The following CTPS2 variants were observed in gnomAD, a reference collection of about 807,000 sequenced individuals.
CTPS2 encodes CTP synthase II.
A neutral mutation model predicts 46.8 loss-of-function variants in CTPS2; 19 were observed. The ratio of observed to expected loss-of-function variants is 0.41; its 90% confidence interval spans 0.28 to 0.60. The LOEUF (loss-of-function observed/expected upper bound fraction) is 0.60. Among genes scored for constraint, CTPS2 ranks in the 20% least tolerant of loss-of-function variants. CTPS2 has a pLI of 0.35. For synonymous variants in CTPS2, 151 were observed against 165.2 expected, an observed-to-expected ratio of 0.91 and a Z score of 0.66; for missense variants, 286 against 447.6, an observed-to-expected ratio of 0.64 and a Z score of 3.26.
chrX:16,656,258 G>A (rs759782101), intron 13 of CTPS2, among the ~76,000 whole-genome samples: 49 of 111,513 alleles, frequency 4.4e-4, no homozygotes, highest in Middle Eastern at 4.6e-3. Context: ...CCCCACTGCT[G>A]CCCTCCCCAT....
intron 14 of CTPS2, among the ~76,000 whole-genome samples, chrX:16,626,225 T>C (rs1395855106): frequency 1.8e-5 from 2 of 110,579 alleles, no homozygotes; most frequent in East Asian, 2.9e-4. Flanking sequence ...CTACTAAATA[T>C]ACAAAAATTA....
intron 13 of CTPS2, 32 bp from the exon 14 acceptor site, chrX:16,639,275 T>C (rs1288402035): frequency 1.0e-5 from 11 of 1,075,855 alleles, no homozygotes; most frequent in African/African-American, 1.8e-5. Flanking sequence ...AGTTTTGCCA[T>C]CTTGTAAAAA....
intron 17 of CTPS2, among the ~76,000 whole-genome samples, chrX:16,592,527 C>T (rs903076310): frequency 2.7e-5 from 3 of 111,660 alleles, no homozygotes; most frequent in African/African-American, 9.8e-5. Context: ...GCTTGAGAAT[C>T]ACAGCACCTC....
intron 6 of CTPS2, among the ~76,000 whole-genome samples, chrX:16,691,918 C>T (rs748061133): frequency 8.9e-6 from 1 of 111,793 alleles, no homozygotes; most frequent in South Asian, 3.7e-4. Context: ...CTCAAAAGGG[C>T]CAGATGGGAA....
intron 13 of CTPS2, among the ~76,000 whole-genome samples, chrX:16,662,491 G>A (rs1032986230): frequency 2.7e-5 from 3 of 110,987 alleles, no homozygotes; most frequent in Non-Finnish European, 3.8e-5. Flanking sequence ...CACTAATCAT[G>A]CATGCCAAAG....
At chrX:16,703,022 A>ATTT (rs759725248) in intron 1 of CTPS2, 81 bp from the exon 2 acceptor site, 136 of 448,106 alleles carry the variant, frequency 3.0e-4, no homozygotes, top group African/African-American at 5.1e-4. Context: ...ACCAGAATTA[A>ATTT]TTTTTTTTTT....
At chrX:16,677,849 G>A (rs2147324646) in intron 10 of CTPS2, among the ~76,000 whole-genome samples, 1 of 111,621 alleles carries the variant, frequency 9.0e-6, no homozygotes, top group Non-Finnish European at 1.9e-5. Context: ...TCTAAAAGGG[G>A]GAGGCACGTA....
At chrX:16,664,935 T>A (rs1921050446) in intron 13 of CTPS2, among the ~76,000 whole-genome samples, 1 of 111,927 alleles carries the variant, frequency 8.9e-6, no homozygotes, top group African/African-American at 3.2e-5. Flanking sequence ...CTGTTACAAC[T>A]CAATAATAAA....
At chrX:16,621,078 C>G (rs949962366) in intron 14 of CTPS2, among the ~76,000 whole-genome samples, 1 of 110,974 alleles carries the variant, frequency 9.0e-6, no homozygotes, top group African/African-American at 3.3e-5. Flanking sequence ...AGCTCTTAAC[C>G]AGGGGTGTGT....
chrX:16,709,215 C>G (rs746433083), intron 1 of CTPS2, among the ~76,000 whole-genome samples: 51 of 106,516 alleles, frequency 4.8e-4, no homozygotes, highest in African/African-American at 1.5e-3. Context: ...ATTGCCTGAG[C>G]TCAGGAGTTC....
chrX:16,608,461 G>A (rs904697261), intron 17 of CTPS2, among the ~76,000 whole-genome samples: 1 of 110,380 alleles, frequency 9.1e-6, no homozygotes, highest in Admixed American at 9.8e-5. Flanking sequence ...AGGCATGGTG[G>A]TGTGTGCCTG....
At chrX:16,661,198 G>A (rs955177357) in intron 13 of CTPS2, among the ~76,000 whole-genome samples, 3 of 111,011 alleles carry the variant, frequency 2.7e-5, no homozygotes, top group Non-Finnish European at 3.8e-5. Context: ...GACCTCAGGC[G>A]ATCCACCGGC....
At chrX:16,630,178 A>T (rs1931383412) in intron 14 of CTPS2, among the ~76,000 whole-genome samples, 1 of 108,789 alleles carries the variant, frequency 9.2e-6, no homozygotes, top group African/African-American at 3.4e-5. Context: ...TCCGGAAATC[A>T]CCAGGTCCTA....
chrX:16,687,952 A>G (rs1449219614), intron 8 of CTPS2, among the ~76,000 whole-genome samples: 4 of 111,164 alleles, frequency 3.6e-5, no homozygotes, highest in Non-Finnish European at 7.5e-5. Flanking sequence ...CAGAAGGGAA[A>G]AAAAGCCTAG....
At chrX:16,620,199 C>T (rs1602145626) in intron 15 of CTPS2, 78 bp downstream of exon 15, 1 of 873,506 alleles carries the variant, frequency 1.1e-6, no homozygotes, top group East Asian at 3.1e-5. Context: ...ACACCTTTTC[C>T]AGAGGCTCAG....
chrX:16,599,034 A>C (rs1357190651), intron 17 of CTPS2, among the ~76,000 whole-genome samples: 1 of 112,033 alleles, frequency 8.9e-6, no homozygotes, highest in Non-Finnish European at 1.9e-5. Context: ...ACTCTCAATA[A>C]ATTAGGTATT....
intron 10 of CTPS2, among the ~76,000 whole-genome samples, chrX:16,673,883 C>T (rs751324599): frequency 9.0e-6 from 1 of 111,323 alleles, no homozygotes; most frequent in Admixed American, 9.6e-5. Flanking sequence ...GAAAGCCATG[C>T]CCCCTAGCTA....
chrX:16,603,175 G>A (rs1289796410), intron 17 of CTPS2, among the ~76,000 whole-genome samples: 4 of 111,294 alleles, frequency 3.6e-5, no homozygotes, highest in Non-Finnish European at 7.5e-5. Flanking sequence ...CCAGCACTTC[G>A]GGAGGCCGAG....
intron 15 of CTPS2, among the ~76,000 whole-genome samples, chrX:16,617,745 G>A (rs1930608448): frequency 8.9e-6 from 1 of 111,890 alleles, no homozygotes; most frequent in African/African-American, 3.3e-5. Context: ...TTGATGACCT[G>A]GCTTGTGGCC....
Sources: gnomAD v4.1 joint callset for allele counts (sites outside exome capture counted in the v4.1 genomes callset) on GRCh38, gnomAD v4.1.1 for gene constraint, MANE v1.5 for transcripts, NCBI Gene and HGNC (gene_info 2026-07-23, HGNC 2026-07-21) for gene names.